Variants in ADAMTSL1 observed in about 807,000 individuals in gnomAD.
ADAMTSL1 encodes ADAMTS like 1, also known as ADAMTS-like protein 1.
A neutral mutation model predicts 201.8 loss-of-function variants in ADAMTSL1; 126 were observed. The observed-to-expected ratio is 0.62, with a 90% CI of 0.54 to 0.72. The LOEUF is 0.72. ADAMTSL1 is among the 30% of genes least tolerant of loss of function. ADAMTSL1 has a pLI of 0.00. For missense variants in ADAMTSL1, 2,679 were observed against 2,277.8 expected, an observed-to-expected ratio of 1.18 and a Z score of -3.59; for synonymous variants, 1,121 against 903.4, an observed-to-expected ratio of 1.24 and a Z score of -4.32.
At chr9:18,673,022 C>T (rs1342974533) in intron 9 of ADAMTSL1, among the ~76,000 whole-genome samples, 8 of 152,150 alleles carry the variant, frequency 5.3e-5, no homozygotes, top group Non-Finnish European at 1.2e-4. Context: ...ATGAGTTTTA[C>T]CCCCAAGCCA....
intron 15 of ADAMTSL1, among the ~76,000 whole-genome samples, chr9:18,728,750 G>A (rs1818047597): frequency 6.6e-6 from 1 of 152,180 alleles, no homozygotes; most frequent in South Asian, 2.1e-4. Context: ...AAAACCATGA[G>A]CACAAAATGA....
chr9:18,338,779 C>G (rs1483834262), intron 2 of ADAMTSL1, among the ~76,000 whole-genome samples: 2 of 152,140 alleles, frequency 1.3e-5, no homozygotes, highest in African/African-American at 4.8e-5. Context: ...TCCTCCCACC[C>G]TCCACCTTCA....
At chr9:18,435,874 C>G (rs1036208989) in intron 2 of ADAMTSL1, among the ~76,000 whole-genome samples, 41 of 152,156 alleles carry the variant, frequency 2.7e-4, no homozygotes, top group African/African-American at 8.9e-4. Context: ...AGACCCGTCC[C>G]CATGAGTCAG....
intron 13 of ADAMTSL1, among the ~76,000 whole-genome samples, chr9:18,693,990 G>A (rs372035583): frequency 1.6e-4 from 25 of 152,278 alleles, no homozygotes; most frequent in African/African-American, 5.8e-4. Context: ...AAGCAGAGCT[G>A]GGGAGGTCTC....
chr9:18,346,241 C>A (rs138976314), intron 2 of ADAMTSL1, among the ~76,000 whole-genome samples: 1 of 152,282 alleles, frequency 6.6e-6, no homozygotes, highest in African/African-American at 2.4e-5. Context: ...TTTGTCATCA[C>A]TTTTGCCTAT....
In ADAMTSL1 at chr9:18,856,090, T is replaced by C. The variant is rs549484203; in HGVS notation, c.4249+26113T>C. Among the ~76,000 whole-genome samples the C allele has an allele frequency of 2.8e-4, 43 of 152,336 alleles. 2 individuals carry two copies. In the South Asian group the frequency reaches 7.7e-3, roughly 27 times the overall value. On this transcript the variant is annotated intron_variant, in intron 23 of 28. Transcript: ENST00000380548. ...GGCATGTTCAGAAACTGGTTCATGA[T>C]AGTTCGTAAAACAAATACCAGGGAG...
intron 26 of ADAMTSL1, among the ~76,000 whole-genome samples, chr9:18,900,647 G>A (rs530233973): frequency 3.3e-5 from 5 of 152,176 alleles, no homozygotes; most frequent in East Asian, 1.9e-4. Flanking sequence ...AGCTGAAAGC[G>A]TTATCCTCAG....
intron 2 of ADAMTSL1, among the ~76,000 whole-genome samples, chr9:18,464,567 G>A (rs1820928262): frequency 6.6e-6 from 1 of 152,128 alleles, no homozygotes; most frequent in Non-Finnish European, 1.5e-5. Context: ...GTGTAGAATA[G>A]CCTTGGAAAA....
chr9:18,880,408 C>G (rs1439700054), intron 23 of ADAMTSL1, among the ~76,000 whole-genome samples: 13 of 152,150 alleles, frequency 8.5e-5, no homozygotes, highest in Non-Finnish European at 1.9e-4. Flanking sequence ...GAAATCACTC[C>G]TTGATCCATG....
intron 2 of ADAMTSL1, among the ~76,000 whole-genome samples, chr9:18,176,717 A>G (rs924897163): frequency 2.0e-5 from 3 of 152,194 alleles, no homozygotes; most frequent in Non-Finnish European, 4.4e-5. Context: ...CTAACAGGGG[A>G]TATAAAAATG....
rs182424079 is a variant in ADAMTSL1, at chr9:18,410,043, C to T, written c.208-94786C>T. Among the ~76,000 whole-genome samples the T allele has an allele frequency of 3.0e-3, 448 of 151,840 alleles. 2 individuals carry two copies. The highest frequency in any genetic ancestry group is 0.01 in the African/African-American group (420 of 41,468). On this transcript the variant is annotated intron_variant, in intron 2 of 29. Coordinates refer to the ADAMTSL1 transcript ENST00000680146. ...TTTAATATTTTAATATTGAGCTTGG[C>T]GTTTAATGTACACTTTTGTAGATAC...
intron 2 of ADAMTSL1, among the ~76,000 whole-genome samples, chr9:18,235,000 C>G (rs1311340636): frequency 2.0e-5 from 3 of 152,206 alleles, no homozygotes; most frequent in Non-Finnish European, 4.4e-5. Flanking sequence ...TCTTCCAATA[C>G]TGTGGTACAT....
intron 1 of ADAMTSL1, among the ~76,000 whole-genome samples, chr9:18,000,519 A>G (rs906783501): frequency 3.3e-5 from 5 of 152,006 alleles, no homozygotes; most frequent in Non-Finnish European, 5.9e-5. Context: ...CACAAATGAG[A>G]TCCTTTCTCT....
chr9:18,853,918 T>TGTGTGTGTGCGCGC (rs139332733), intron 23 of ADAMTSL1, among the ~76,000 whole-genome samples: 4,282 of 145,396 alleles, frequency 0.029, 70 homozygotes, highest in South Asian at 0.042. Flanking sequence ...TGTGTGTGTG[T>TGTGTGTGTGCGCGC]GCGCGTGCAT....
chr9:18,807,213 G>T (rs574494476), intron 20 of ADAMTSL1, among the ~76,000 whole-genome samples: 1 of 152,150 alleles, frequency 6.6e-6, no homozygotes, highest in South Asian at 2.1e-4. Context: ...CCTTCTGTTT[G>T]TATGGCTCTC....
At chr9:18,263,723 C>G (rs1254517499) in intron 2 of ADAMTSL1, among the ~76,000 whole-genome samples, 4 of 152,126 alleles carry the variant, frequency 2.6e-5, no homozygotes, top group Admixed American at 6.5e-5. Context: ...AGGGTGGGGT[C>G]CTGACATGAT....
chr9:18,000,946 C>T (rs1311754032), intron 1 of ADAMTSL1, among the ~76,000 whole-genome samples: 1 of 151,992 alleles, frequency 6.6e-6, no homozygotes, highest in East Asian at 1.9e-4. Flanking sequence ...TGGCTTGGGG[C>T]ACTATCCCAT....
Position 18,639,360 on chromosome 9 carries a change from C to A in ADAMTSL1, c.783C>A (p.Asp261Glu). ...NSSVDFQKFP[D>E]KEILRMAGPL... ...GTGTGGACTTCCAGAAATTTCCAGA[C>A]AAAGAGATACTGAGAATGGCTGGAC... The change falls in exon 7 of 29, where the codon GAC becomes GAA. Residue 261 changes from aspartate (D) to glutamate (E), a missense_variant. By Grantham distance (45) the Asp-to-Glu change is conservative (BLOSUM62 2). Coordinates refer to ENST00000380548, the MANE Select transcript of ADAMTSL1 (RefSeq NM_001040272.6). The A allele has an allele frequency of 6.2e-7, 1 of 1,613,022 alleles. No individual in the cohort carries two copies. Among genetic ancestry groups the A allele is most frequent in the Non-Finnish European group, 8.5e-7 (1 of 1,179,282 alleles).
At chr9:18,728,322 A>C (rs1468257924) in intron 15 of ADAMTSL1, among the ~76,000 whole-genome samples, 1 of 152,158 alleles carries the variant, frequency 6.6e-6, no homozygotes, top group African/African-American at 2.4e-5. Flanking sequence ...TGGTTTCTTA[A>C]CATCTATGTG....
Sources: gnomAD v4.1 joint callset for allele counts (sites outside exome capture counted in the v4.1 genomes callset) on GRCh38, gnomAD v4.1.1 for gene constraint, MANE v1.5 for transcripts, NCBI Gene and HGNC (gene_info 2026-07-23, HGNC 2026-07-21) for gene names.